GALM: variants seen among roughly 807,000 people sequenced by gnomAD.
GALM encodes the protein aldose 1-epimerase.
A neutral mutation model predicts 37.4 loss-of-function variants in GALM; 43 were observed. The ratio of observed to expected loss-of-function variants is 1.15; its 90% CI spans 0.90 to 1.48. The LOEUF is 1.48. GALM is among the 40% of genes most tolerant of loss of function. The pLI is 0.00. For synonymous variants in GALM, 199 were observed against 170.6 expected (o/e 1.17, Z -1.30); for missense variants, 456 against 419.1 (o/e 1.09, Z -0.77).
At chr2:38,669,579 T>C (rs1460951567) in intron 1 of GALM, 1 of 152,204 alleles carries the variant, frequency 6.6e-6, no homozygotes, top group Non-Finnish European at 1.5e-5. Context: ...TTTTCAACCT[T>C]TTTTTGTATT....
intron 4 of GALM, among the ~76,000 whole-genome samples, chr2:38,711,711 C>T (rs1666164788): frequency 8.6e-5 from 1 of 11,634 alleles, no homozygotes; most frequent in Non-Finnish European, 1.9e-4. Flanking sequence ...CATCATCATC[C>T]ATCACCATCA....
At chr2:38,697,686 G>T (rs1665839480) in intron 4 of GALM, among the ~76,000 whole-genome samples, 1 of 152,132 alleles carries the variant, frequency 6.6e-6, no homozygotes, top group Admixed American at 6.6e-5. Context: ...CCCCCTGTAG[G>T]TGTTTGGGGA....
chr2:38,683,184 G>A (rs1396879955), intron 3 of GALM, among the ~76,000 whole-genome samples: 3 of 152,166 alleles, frequency 2.0e-5, no homozygotes, highest in Non-Finnish European at 2.9e-5. Flanking sequence ...GTGTTCCAAT[G>A]AAGGAGACAA....
At chr2:38,730,308 C>T (rs13011311) in intron 5 of GALM, among the ~76,000 whole-genome samples, 84,471 of 151,896 alleles carry the variant, frequency 0.56, 22,327 homozygotes, top group East Asian at 0.8. Flanking sequence ...GCTCTGTCGC[C>T]CAGACTGGAA....
chr2:38,711,824 T>C (rs796999992), intron 4 of GALM, among the ~76,000 whole-genome samples: 5 of 1,420 alleles, frequency 3.5e-3, no homozygotes, highest in Non-Finnish European at 6.7e-3. Flanking sequence ...ATCATCACTA[T>C]CACCACCATC....
chr2:38,685,910 A>G (rs554914642), intron 3 of GALM, among the ~76,000 whole-genome samples: 45 of 151,834 alleles, frequency 3.0e-4, no homozygotes, highest in African/African-American at 1.1e-3. Context: ...ATGGGGTTTC[A>G]CCATGTTGGC....
Position 38,704,062 on chromosome 2 carries a change from A to G in GALM, c.634+14168A>G, listed in dbSNP as rs560724964. Among the ~76,000 whole-genome samples, 3 of 151,902 alleles carry G rather than the reference A, an allele frequency of 2.0e-5. No individual in the cohort carries two copies. In the East Asian group the frequency reaches 5.8e-4, roughly 29 times the overall value. On this transcript the variant is annotated intron_variant, in intron 4 of 6. Transcript: ENST00000272252. ...ATAAATAAATAAAATAAAATAAAAT[A>G]AAATAAATTCTATGTAAAATCCTTT...
intron 1 of GALM, chr2:38,668,774 AAAATAAAT>A (rs914004307): frequency 2.6e-5 from 4 of 151,624 alleles, no homozygotes; most frequent in Admixed American, 6.6e-5. Context: ...AAAATAAATA[AAAATAAAT>A]AAATAAATAA....
chr2:38,702,892 C>CTA lies in GALM; in HGVS notation c.634+13011_634+13012dup, dbSNP rs143376662. 6.4e-4 allele frequency among the ~76,000 whole-genome samples: 90 copies of CTA among 140,288 alleles called. 1 individual carries two copies. Among genetic ancestry groups the CTA allele is most frequent in the East Asian group, 1.0e-3 (5 of 4,828 alleles). 92.0% of individuals were successfully genotyped at this position (140,288 alleles called of 152,430 possible). On this transcript the variant is annotated intron_variant, in intron 4 of 6. Transcript: ENST00000272252. ...CTCTCCTTTACATTTGTTTTAAACA[C>CTA]TATATATATATATACACTTTATTTA...
chr2:38,688,105 G>C (rs778765816), intron 3 of GALM, among the ~76,000 whole-genome samples: 1 of 151,846 alleles, frequency 6.6e-6, no homozygotes, highest in East Asian at 1.9e-4. Context: ...CCAGCTGCTC[G>C]GGAGGCTGAA....
chr2:38,692,829 A>T (rs568736133), intron 4 of GALM, among the ~76,000 whole-genome samples: 194 of 152,330 alleles, frequency 1.3e-3, no homozygotes, highest in African/African-American at 4.3e-3. Context: ...GAAGTTTGCC[A>T]GGGAGTGAGG....
chr2:38,681,853 G>A (rs1002593313), intron 3 of GALM, among the ~76,000 whole-genome samples: 1 of 152,140 alleles, frequency 6.6e-6, no homozygotes, highest in African/African-American at 2.4e-5. Context: ...TGGAGCTTTG[G>A]AAATGGGCAT....
At chr2:38,726,144 G>T (rs888874079) in intron 4 of GALM, among the ~76,000 whole-genome samples, 9 of 152,214 alleles carry the variant, frequency 5.9e-5, no homozygotes, top group African/African-American at 2.2e-4. Flanking sequence ...ACTGATCAGG[G>T]TTTAGAGGAT....
rs1162291807 is a variant in GALM, at chr2:38,676,573, G to A, written c.345+507G>A. The stretch of plus-strand genomic sequence containing the variant: ...AGGTCAGGAGTTTAAGACCAGCCTG[G>A]CCAACATGGTAAAACCCCGTCTCTA... On this transcript the variant is annotated intron_variant, in intron 2 of 6. Transcript: ENST00000272252. Among the ~76,000 whole-genome samples, 3 of 152,236 alleles carry A rather than the reference G, an allele frequency of 2.0e-5. No individual in the cohort carries two copies. The East Asian group carries it at 5.8e-4, about 30-fold the overall frequency.
chr2:38,717,522 C>T (rs944411252), intron 4 of GALM, among the ~76,000 whole-genome samples: 4 of 151,866 alleles, frequency 2.6e-5, no homozygotes, highest in African/African-American at 9.7e-5. Flanking sequence ...GCTTGAGCCT[C>T]CCAAGTAGCT....
At chr2:38,703,054 T>TTTTATATATATA (rs1217839668) in intron 4 of GALM, among the ~76,000 whole-genome samples, 2 of 13,944 alleles carry the variant, frequency 1.4e-4, no homozygotes, top group South Asian at 5.5e-3. Flanking sequence ...ATGTGGGATT[T>TTTTATATATATA]TATATATATA....
intron 2 of GALM, among the ~76,000 whole-genome samples, chr2:38,680,714 A>T (rs1474892181): frequency 1.5e-5 from 2 of 131,768 alleles, no homozygotes; most frequent in African/African-American, 8.5e-5. Context: ...TACAAGATTA[A>T]AAAAAAAAAT....
intron 3 of GALM, among the ~76,000 whole-genome samples, chr2:38,686,838 G>A (rs1451111539): frequency 6.6e-6 from 1 of 152,236 alleles, no homozygotes; most frequent in East Asian, 1.9e-4. Flanking sequence ...TGCTAGGCCA[G>A]GAGTCTGGAG....
chr2:38,687,474 C>G (rs1270579012), intron 3 of GALM, among the ~76,000 whole-genome samples: 1 of 152,112 alleles, frequency 6.6e-6, no homozygotes, highest in South Asian at 2.1e-4. Flanking sequence ...CTTTGGGAGG[C>G]CAAGGCAGGC....
Sources: allele counts gnomAD v4.1 joint callset (sites outside exome capture counted in the v4.1 genomes callset), GRCh38; gene constraint gnomAD v4.1.1; transcripts MANE v1.5; gene names NCBI Gene and HGNC (gene_info 2026-07-23, HGNC 2026-07-21).